CEACAM1: variants seen among roughly 807,000 people sequenced by gnomAD.
CEACAM1 encodes the protein CEA cell adhesion molecule 1, also known as cell adhesion molecule CEACAM1.
In CEACAM1, 31 loss-of-function variants were observed where a neutral mutation model predicts 49.1. The ratio of observed to expected loss-of-function variants is 0.63; its 90% CI spans 0.47 to 0.85. CEACAM1 has a LOEUF of 0.85. Among genes scored for constraint, CEACAM1 ranks in the 40% least tolerant of loss-of-function variants. CEACAM1 has a pLI of 0.00. For missense variants in CEACAM1, 570 were observed against 645.3 expected, an observed-to-expected ratio of 0.88 and a Z score of 1.26; for synonymous variants, 244 against 247.8, an observed-to-expected ratio of 0.98 and a Z score of 0.14.
chr19:42,522,338 G>A (rs1001181779), intron 2 of CEACAM1, 136 bp from the exon 3 acceptor site: 3 of 1,433,734 alleles, frequency 2.1e-6, no homozygotes, highest in African/African-American at 1.4e-5. Flanking sequence ...GCAATGGCAC[G>A]ATCTCGGCTC....
rs141685122 is a variant in CEACAM1 at position 42,523,806 on chromosome 19, A to G, written c.425-1604T>C. On this transcript the variant is annotated intron_variant, in intron 2 of 8. Transcript: ENST00000161559. Reference sequence around the variant, plus strand: ...GAGAGCGTGATAAACTCTTAAACCAAGCTCTGAAGTCCAGTAGGATCATGT... The same window carrying G: ...GAGAGCGTGATAAACTCTTAAACCAGGCTCTGAAGTCCAGTAGGATCATGT... Among the ~76,000 whole-genome samples the G allele has an allele frequency of 2.4e-4, 36 of 152,348 alleles. 1 individual carries two copies. Among genetic ancestry groups the G allele is most frequent in the African/African-American group, 8.2e-4 (34 of 41,582 alleles).
chr19:42,527,504 A>AGAGT lies in CEACAM1; in HGVS notation c.65-105_65-104insACTC, dbSNP rs1360275105. 1.7e-5 allele frequency: 12 copies of AGAGT among 715,566 alleles called. No individual in the cohort carries two copies. The South Asian group carries it at 2.6e-4, about 15-fold the overall frequency. 44.3% of individuals were successfully genotyped at this position (715,566 alleles called of 1,614,324 possible). On this transcript the variant is annotated intron_variant, in intron 1 of 8. Transcript: ENST00000161559. ...AGGTGTCTTCACCCCTCCACCTTGG[A>AGAGT]GTGTGTGTGTGTGTGTGTGTGTGTG...
In CEACAM1 at chr19:42,526,236, G is replaced by A. The variant is rs558795642; in HGVS notation, c.424+805C>T. On this transcript the variant is annotated intron_variant, in intron 2 of 8. Transcript: ENST00000161559. ...CTCCCAAAGTACTGGGATTACAGGC[G>A]TGAGCCACCGCTCCCGGCCGCAGCA... Among the ~76,000 whole-genome samples the A allele has an allele frequency of 3.3e-5, 5 of 152,250 alleles. No homozygotes were observed. The East Asian group carries it at 7.7e-4, about 24-fold the overall frequency.
At position 42,519,493 on chromosome 19, in the gene CEACAM1, A is replaced by G. The variant is rs191662746; in HGVS notation, c.959-258T>C. ...TCAGAGTGACCCTCTGGATATCTCT[A>G]TATCTCCACTTGGAATCTTCTTCTC... On this transcript the variant is annotated intron_variant, in intron 4 of 8. Transcript: ENST00000161559. The G allele has an allele frequency of 1.8e-3, 822 of 449,790 alleles. 7 individuals carry two copies. Among genetic ancestry groups the G allele is most frequent in the African/African-American group, 0.015 (742 of 49,750 alleles). The allele number at this position is 449,790 out of a possible 1,614,324, so 27.9% of individuals were successfully genotyped here. A position where few individuals can be genotyped will look rare whatever the true frequency, so the allele number is the denominator to read the frequency against.
In CEACAM1 at chr19:42,521,383, G is replaced by A. The variant is rs753124950; in HGVS notation, c.842C>T (p.Thr281Ile). 5 of 1,614,122 alleles carry A rather than the reference G, an allele frequency of 3.1e-6. No individual in the cohort carries two copies. The Admixed American group carries it at 8.3e-5, about 27-fold the overall frequency. ...GATGTTAGGGATAAAGAGCTCTTGT[G>A]TGCTTTGCTGGAATGTTCCATTGAT... is the stretch of plus-strand genomic sequence containing the variant. ...WLINGTFQQSTQELFIPNITV... is the reference protein window; with the variant it reads ...WLINGTFQQSIQELFIPNITV... The change falls in exon 4 of 9, where the codon ACA becomes ATA. Residue 281 changes from threonine (T) to isoleucine (I), a missense_variant. By Grantham distance (89) the Thr-to-Ile change is moderately conservative (BLOSUM62 -1). Transcript: ENST00000161559.
At chr19:42,515,007 ACACCTGTAATCTCAG>A in intron 5 of CEACAM1, 2 of 671,512 alleles carry the variant, frequency 3.0e-6, no homozygotes, top group Non-Finnish European at 5.4e-6. Flanking sequence ...GTGGTGGCTC[ACACCTGTAATCTCAG>A]CACTTTGGGA....
intron 1 of CEACAM1, 43 bp from the exon 2 acceptor site, chr19:42,527,443 C>T (rs1366856363): frequency 6.5e-7 from 1 of 1,537,296 alleles, no homozygotes; most frequent in South Asian, 1.3e-5. Context: ...GGGACCTATG[C>T]ATTAGGGTAG....
intron 2 of CEACAM1, among the ~76,000 whole-genome samples, chr19:42,524,216 A>G (rs957126453): frequency 3.3e-5 from 5 of 152,192 alleles, no homozygotes; most frequent in Non-Finnish European, 5.9e-5. Context: ...ACCTTATGAC[A>G]ATGGTGTCAT....
Position 42,509,062 on chromosome 19 carries a change from G to T in CEACAM1, c.*47C>A. The T allele has an allele frequency of 6.2e-7, 1 of 1,611,146 alleles. No homozygotes were observed. The highest frequency in any genetic ancestry group is 8.5e-7 in the Non-Finnish European group (1 of 1,177,690). ...AAAGGAATCTCCTAGTGATGAGGGT[G>T]AGAGACTTGAAATACATCAGCACTG... On this transcript the variant is annotated 3_prime_UTR_variant, in exon 9 of 9. Transcript: ENST00000161559.
intron 5 of CEACAM1, among the ~76,000 whole-genome samples, chr19:42,513,607 C>A (rs1256655472): frequency 6.6e-6 from 1 of 151,490 alleles, no homozygotes; most frequent in Non-Finnish European, 1.5e-5. Flanking sequence ...AAAAAACAAA[C>A]AAACAAAAAC....
intron 4 of CEACAM1, 30 bp downstream of exon 4, chr19:42,521,237 C>G: frequency 6.2e-7 from 1 of 1,609,862 alleles, no homozygotes; most frequent in Non-Finnish European, 8.5e-7. Flanking sequence ...TACCCCAGAT[C>G]TTAGTGTTGA....
rs759338910 is a variant in CEACAM1 at position 42,508,739 on chromosome 19, G to C, written c.*370C>G. 1.8e-4 allele frequency: 36 copies of C among 201,500 alleles called. No homozygotes were observed. Among genetic ancestry groups the C allele is most frequent in the Non-Finnish European group, 3.2e-4 (31 of 98,210 alleles). The allele number at this position is 201,500 out of a possible 1,614,324, so 12.5% of individuals were successfully genotyped here. A position where few individuals can be genotyped will look rare whatever the true frequency, so the allele number is the denominator to read the frequency against. On this transcript the variant is annotated 3_prime_UTR_variant, in exon 9 of 9. Transcript: ENST00000161559. Reference sequence around the variant, plus strand: ...ATAACCTCAAGGCTATGGCAAATCCGAATTAGAGTGATAGGACAGGACTGG... The same window carrying C: ...ATAACCTCAAGGCTATGGCAAATCCCAATTAGAGTGATAGGACAGGACTGG...
chr19:42,514,933 T>A (rs1343298597), intron 5 of CEACAM1: 1 of 602,888 alleles, frequency 1.7e-6, no homozygotes, highest in African/African-American at 1.9e-5. Flanking sequence ...TTCCTCTGTG[T>A]GTGGTGTTTT....
intron 5 of CEACAM1, 153 bp downstream of exon 5, chr19:42,518,795 C>T (rs539125133): frequency 9.6e-5 from 86 of 895,698 alleles, no homozygotes; most frequent in Admixed American, 2.1e-4. Context: ...CCACTGTGCC[C>T]GGCCTGAGCT....
At position 42,511,765 on chromosome 19, in the gene CEACAM1, C is replaced by G. The variant is rs1400546294; in HGVS notation, c.1377-137G>C. On this transcript the variant is annotated intron_variant, in intron 6 of 8. Coordinates refer to ENST00000161559, the MANE Select transcript of CEACAM1 (RefSeq NM_001712.5). The stretch of plus-strand genomic sequence containing the variant: ...CTGCCTTTCTTCTGAGGGCCTCGTT[C>G]TTCAGTCTAACTACAATCCCTTCTA... 10 of 740,214 alleles carry G rather than the reference C, an allele frequency of 1.4e-5. No homozygotes were observed. In the East Asian group the frequency reaches 2.3e-4, roughly 17 times the overall value. The allele number at this position is 740,214 out of a possible 1,614,324, so 45.9% of individuals were successfully genotyped here.
rs1414475329 is a variant in CEACAM1 at position 42,507,683 on chromosome 19, T to A, written c.*1426A>T. On this transcript the variant is annotated 3_prime_UTR_variant, in exon 9 of 9. Transcript: ENST00000161559. ...AGACCCCATAGAAGAAAAGATAAAT[T>A]TCAGAGGCTGTTAAAAGAGGCTAGG... is the stretch of plus-strand genomic sequence containing the variant. The A allele has an allele frequency of 6.6e-6, 1 of 152,214 alleles. No homozygotes were observed. The highest frequency in any genetic ancestry group is 2.4e-5 in the African/African-American group (1 of 41,444). The allele number at this position is 152,214 out of a possible 1,614,324, so 9.4% of individuals were successfully genotyped here. A position where few individuals can be genotyped will look rare whatever the true frequency, so the allele number is the denominator to read the frequency against.
chr19:42,523,186 C>A (rs943965632), intron 2 of CEACAM1, among the ~76,000 whole-genome samples: 3 of 152,220 alleles, frequency 2.0e-5, no homozygotes, highest in Non-Finnish European at 4.4e-5. Context: ...GGTGTGTTTT[C>A]TCTGCAGCTT....
Position 42,519,246 on chromosome 19 carries a change from G to A in CEACAM1, c.959-11C>T. 6.2e-7 allele frequency: 1 copy of A among 1,613,546 alleles called. No individual in the cohort carries two copies. Among genetic ancestry groups the A allele is most frequent in the Non-Finnish European group, 8.5e-7 (1 of 1,179,844 alleles). ...CTACTGGACTTAGCTCTGTGGACAA[G>A]CAGAGTATCTGAGATAACCTACTGA... is the stretch of plus-strand genomic sequence containing the variant. On this transcript the variant is annotated splice_polypyrimidine_tract_variant and intron_variant, in intron 4 of 8. Coordinates refer to ENST00000161559, the MANE Select transcript of CEACAM1 (RefSeq NM_001712.5).
intron 2 of CEACAM1, among the ~76,000 whole-genome samples, chr19:42,526,658 A>G (rs898479251): frequency 1.3e-5 from 2 of 152,162 alleles, no homozygotes; most frequent in Non-Finnish European, 2.9e-5. Context: ...GTTTTGGAGC[A>G]GGGGATTCCC....
Sources: gnomAD v4.1 joint callset for allele counts (sites outside exome capture counted in the v4.1 genomes callset) on GRCh38, gnomAD v4.1.1 for gene constraint, MANE v1.5 for transcripts, NCBI Gene and HGNC (gene_info 2026-07-23, HGNC 2026-07-21) for gene names.